The following ADD3 variants were observed in gnomAD, a reference collection of about 807,000 sequenced individuals.
ADD3 encodes the protein adducin 3.
In ADD3, 25 loss-of-function variants were observed where a neutral mutation model predicts 80.2. The ratio of observed to expected loss-of-function variants is 0.31; its 90% CI spans 0.23 to 0.44. ADD3 has a LOEUF of 0.44. ADD3 is among the 20% of genes least tolerant of loss of function. ADD3 has a pLI of 1.00. For missense variants in ADD3, 829 were observed against 847.5 expected (o/e 0.98, Z 0.27); for synonymous variants, 284 against 289.6 (o/e 0.98, Z 0.20).
chr10:110,113,255 GT>G (rs1262171219), intron 3 of ADD3, among the ~76,000 whole-genome samples: 2 of 151,826 alleles, frequency 1.3e-5, no homozygotes, highest in Admixed American at 6.6e-5. Context: ...CTCTATTTTT[GT>G]TTTTTTGTTG....
chr10:110,051,094 A>C (rs1857464673), intron 1 of ADD3, among the ~76,000 whole-genome samples: 1 of 152,226 alleles, frequency 6.6e-6, no homozygotes, highest in African/African-American at 2.4e-5. Context: ...GTGCTGGGAA[A>C]ACTGGATGTC....
At chr10:110,007,110 C>A (rs1202785982), upstream of ADD3, among the ~76,000 whole-genome samples, 1 of 152,126 alleles carries the variant, frequency 6.6e-6, no homozygotes, top group African/African-American at 2.4e-5. Context: ...GGATCCACAG[C>A]CCTGCAATTG....
chr10:110,065,538 C>CTTTTTTTTTTTTTT (rs1843804683), intron 1 of ADD3, among the ~76,000 whole-genome samples: 4 of 11,746 alleles, frequency 3.4e-4, no homozygotes, highest in Admixed American at 1.5e-3. Flanking sequence ...CTCTCTCTCC[C>CTTTTTTTTTTTTTT]CTTTTTTTTT....
intron 1 of ADD3, among the ~76,000 whole-genome samples, chr10:110,083,691 A>G (rs1827569232): frequency 6.6e-6 from 1 of 152,008 alleles, no homozygotes; most frequent in African/African-American, 2.4e-5. Flanking sequence ...ATAGCTAAGT[A>G]TTTTTTAAAG....
intron 1 of ADD3, among the ~76,000 whole-genome samples, chr10:110,071,205 G>A (rs1250363342): frequency 6.6e-6 from 1 of 152,028 alleles, no homozygotes; most frequent in African/African-American, 2.4e-5. Context: ...GTTGGAAAAA[G>A]CAATTTAAAA....
chr10:110,118,728 A>C lies in ADD3; in HGVS notation c.709A>C (p.Thr237Pro). The stretch of plus-strand genomic sequence containing the variant: ...TGTGATACACATCCATACCCTTGCA[A>C]CAGCAGCTGTAAGTCAATGAAAGTC... ...KCVIHIHTLA[T>P]AAVSSMKCGI... Residue 237 changes from threonine to proline, a missense_variant, in exon 6 of 15, where the codon ACA becomes CCA. Thr to Pro is a conservative substitution (Grantham distance 38). Coordinates refer to ENST00000356080, the MANE Select transcript of ADD3 (RefSeq NM_016824.5). 3.1e-6 allele frequency: 5 copies of C among 1,613,812 alleles called. No individual in the cohort carries two copies. Among genetic ancestry groups the C allele is most frequent in the Non-Finnish European group, 4.2e-6 (5 of 1,179,780 alleles).
intron 14 of ADD3, 83 bp from the exon 15 acceptor site, chr10:110,133,243 T>C: frequency 7.3e-7 from 1 of 1,376,114 alleles, no homozygotes; most frequent in Non-Finnish European, 9.8e-7. Context: ...CTTATTACAT[T>C]GCTAAAACAT....
intron 12 of ADD3, 150 bp from the exon 13 acceptor site, chr10:110,130,212 CA>C (rs1429671458): frequency 2.6e-6 from 2 of 754,844 alleles, no homozygotes; most frequent in Non-Finnish European, 4.1e-6. Context: ...GCATTTTAAA[CA>C]AAGCATGTTA....
At chr10:110,045,362 A>G (rs1487157903) in intron 1 of ADD3, among the ~76,000 whole-genome samples, 2 of 152,200 alleles carry the variant, frequency 1.3e-5, no homozygotes, top group African/African-American at 2.4e-5. Flanking sequence ...TCAAAAAAAA[A>G]AAGAGAAAGT....
intron 1 of ADD3, among the ~76,000 whole-genome samples, chr10:109,996,861 C>G (rs140602444): frequency 3.9e-4 from 60 of 152,358 alleles, no homozygotes; most frequent in Middle Eastern, 3.4e-3. Context: ...TCACTCTCTT[C>G]GGCCTCAATG....
intron 1 of ADD3, among the ~76,000 whole-genome samples, chr10:110,039,418 G>T (rs536614272): frequency 6.6e-6 from 1 of 152,268 alleles, no homozygotes; most frequent in East Asian, 1.9e-4. Context: ...TGACCTTGAG[G>T]CATGATGCAG....
rs752259421 is a variant in ADD3 at position 110,126,466 on chromosome 10, A to T, written c.1571A>T (p.Gln524Leu). ...YDLKTAGPQS[Q>L]LLAGIVVDKP... ...TTGAAAACAGCAGGACCACAATCTC[A>T]GTTGCTTGCTGGAATTGTTGTGGAT... The change falls in exon 12 of 15, where the codon CAG (glutamine) becomes CTG (leucine). Residue 524 changes from glutamine (Q) to leucine (L), a missense_variant. Coordinates refer to ENST00000356080, the MANE Select transcript of ADD3 (RefSeq NM_016824.5). 1.2e-6 allele frequency: 2 copies of T among 1,612,984 alleles called. No individual in the cohort carries two copies. The highest frequency in any genetic ancestry group is 4.5e-5 in the East Asian group (2 of 44,860).
At chr10:110,111,098 C>G (rs1849955116) in intron 2 of ADD3, among the ~76,000 whole-genome samples, 1 of 152,198 alleles carries the variant, frequency 6.6e-6, no homozygotes, top group Non-Finnish European at 1.5e-5. Context: ...AGACCACTGT[C>G]AGTGACTCAA....
chr10:110,126,047 A>G, intron 11 of ADD3, 102 bp downstream of exon 11: 1 of 1,219,472 alleles, frequency 8.2e-7, no homozygotes, highest in Admixed American at 2.4e-5. Flanking sequence ...AAGTTTGAAT[A>G]CAGAAGAATT....
Position 110,063,782 on chromosome 10 carries a change from TAA to T in ADD3, c.-29-36841_-29-36840del, listed in dbSNP as rs1491460944. 4.8e-4 allele frequency among the ~76,000 whole-genome samples: 56 copies of T among 117,262 alleles called. 2 individuals are homozygous for T. The highest frequency in any genetic ancestry group is 8.0e-4 in the African/African-American group (25 of 31,262). The allele number at this position is 117,262 out of a possible 152,430, so 76.9% of individuals were successfully genotyped here. A position where few individuals can be genotyped will look rare whatever the true frequency, so the allele number is the denominator to read the frequency against. Reference sequence around the variant, plus strand: ...ATATATATATATATATATATATATATAAAGTGAACACCGTGTGTAACCTACCT... The same window carrying T: ...ATATATATATATATATATATATATATAGTGAACACCGTGTGTAACCTACCT... On this transcript the variant is annotated intron_variant, in intron 1 of 14. Coordinates refer to ENST00000356080, the MANE Select transcript of ADD3 (RefSeq NM_016824.5).
At chr10:110,115,250 T>A (rs1850577716) in intron 3 of ADD3, among the ~76,000 whole-genome samples, 1 of 151,820 alleles carries the variant, frequency 6.6e-6, no homozygotes, top group Non-Finnish European at 1.5e-5. Context: ...TAGCTGGGCC[T>A]GGTGGCACAT....
rs1590219905 is a variant in ADD3, at chr10:110,122,324, T to A, written c.1143+32T>A. ...TGCAAAATTGAAGTAAAACTTGGAT[T>A]TAATGTCTTCAGATTCAAGAGCAGA... is the stretch of plus-strand genomic sequence containing the variant. On this transcript the variant is annotated intron_variant, in intron 9 of 14. Transcript: ENST00000356080. The A allele has an allele frequency of 3.8e-6, 6 of 1,597,536 alleles. No individual in the cohort carries two copies. The East Asian group carries it at 1.1e-4, about 30-fold the overall frequency.
chr10:110,129,150 CTT>C (rs746835809), intron 12 of ADD3, among the ~76,000 whole-genome samples: 23 of 138,244 alleles, frequency 1.7e-4, no homozygotes, highest in Non-Finnish European at 2.2e-4. Context: ...TTCTTTCTTT[CTT>C]TTTTTTTTTT....
chr10:110,132,953 G>A (rs530853529), intron 14 of ADD3, among the ~76,000 whole-genome samples: 2,512 of 145,844 alleles, frequency 0.017, 81 homozygotes, highest in African/African-American at 0.061. Context: ...AAAAGAATTT[G>A]TGGAATTAAA....
Sources: allele counts gnomAD v4.1 joint callset (sites outside exome capture counted in the v4.1 genomes callset), GRCh38; gene constraint gnomAD v4.1.1; transcripts MANE v1.5; gene names NCBI Gene and HGNC (gene_info 2026-07-23, HGNC 2026-07-21).